Variants in ASS1 observed in about 807,000 individuals in gnomAD.
ASS1 encodes the protein argininosuccinate synthase.
A neutral mutation model predicts 60.5 loss-of-function variants in ASS1; 58 were observed. That is an observed-to-expected ratio of 0.96 (90% CI 0.78 to 1.19). The LOEUF (loss-of-function observed/expected upper bound fraction) is 1.19. Among genes scored for constraint, ASS1 ranks in the 50% most tolerant of loss-of-function variants. ASS1 has a pLI of 0.00. For synonymous variants in ASS1, 200 were observed against 206.9 expected, an observed-to-expected ratio of 0.97 and a Z score of 0.29; for missense variants, 454 against 547.3, an observed-to-expected ratio of 0.83 and a Z score of 1.70.
intron 1 of ASS1, 84 bp from the exon 2 acceptor site, chr9:130,452,140 G>A (rs1383804579): frequency 3.3e-6 from 4 of 1,214,440 alleles, no homozygotes; most frequent in Admixed American, 3.9e-5. Flanking sequence ...CCAAGGCCAA[G>A]GTCGGGGCTG....
chr9:130,476,985 C>T lies in ASS1; in HGVS notation c.688+24C>T, dbSNP rs529023316. The T allele has an allele frequency of 2.4e-5, 39 of 1,606,396 alleles. No individual in the cohort carries two copies. The African/African-American group carries it at 3.7e-4, about 15-fold the overall frequency. On this transcript the variant is annotated intron_variant, in intron 9 of 14. Transcript: ENST00000352480. This position sits in a 1 kb window ranked among gnomAD's most constrained non-coding sequence, Gnocchi z 4.9. ...AGGTATGTGCCCACCTGTTGGGACT[C>T]GAAGGGGGTTGACTTTTGGGGCCCT...
intron 4 of ASS1, among the ~76,000 whole-genome samples, chr9:130,461,923 G>A (rs1170312932): frequency 6.6e-6 from 1 of 152,210 alleles, no homozygotes; most frequent in East Asian, 1.9e-4. Flanking sequence ...GGGGGACAAC[G>A]GATTGGCCTG....
rs766668660 is a variant in ASS1 at position 130,452,304 on chromosome 9, G to A, written c.76G>A (p.Glu26Lys). ...CTCGTGCATCCTCGTGTGGCTGAAG[G>A]AACAAGGCTATGACGTCATTGCCTA... is the stretch of plus-strand genomic sequence containing the variant. The part of the protein sequence containing the change: ...DTSCILVWLK[E>K]QGYDVIAYLA... The change falls in exon 2 of 15, where the codon GAA (glutamate) becomes AAA (lysine). Residue 26 changes from glutamate to lysine, a missense_variant. Glu to Lys is a moderately conservative substitution (Grantham distance 56, BLOSUM62 1). Transcript: ENST00000352480. 7 of 1,614,152 alleles carry A rather than the reference G, an allele frequency of 4.3e-6. No homozygotes were observed. Among genetic ancestry groups the A allele is most frequent in the South Asian group, 1.1e-5 (1 of 91,082 alleles).
chr9:130,490,801 C>A (rs1207974072), intron 12 of ASS1, among the ~76,000 whole-genome samples: 1 of 152,112 alleles, frequency 6.6e-6, no homozygotes, highest in Non-Finnish European at 1.5e-5. Flanking sequence ...GACCATAGGA[C>A]CCAAAGAGCC....
intron 11 of ASS1, among the ~76,000 whole-genome samples, chr9:130,481,511 G>A (rs1732140281): frequency 6.6e-6 from 1 of 152,210 alleles, no homozygotes; most frequent in African/African-American, 2.4e-5. Flanking sequence ...AAAATCCAAA[G>A]AGAGCCGATC....
At chr9:130,451,116 G>A (rs1448445510) in intron 1 of ASS1, among the ~76,000 whole-genome samples, 2 of 152,214 alleles carry the variant, frequency 1.3e-5, no homozygotes, top group Admixed American at 6.5e-5. Context: ...GGCCACAGGA[G>A]GCATGTGGGG....
At chr9:130,481,291 T>C (rs1846167856) in intron 11 of ASS1, among the ~76,000 whole-genome samples, 1 of 152,238 alleles carries the variant, frequency 6.6e-6, no homozygotes. Context: ...TTGGGGGTCC[T>C]AAGAGGGAAA....
Position 130,458,405 on chromosome 9 carries a change from T to G in ASS1, c.179T>G (p.Phe60Cys), listed in dbSNP as rs746316364. The change falls in exon 4 of 15, where the codon TTC becomes TGC. Residue 60 changes from phenylalanine (F) to cysteine (C), a missense_variant. Physicochemically the swap from Phe to Cys is radical, Grantham distance 205. Coordinates refer to ENST00000352480, the MANE Select transcript of ASS1 (RefSeq NM_054012.4). ...TCTGGGCTCCTCTTCCCGTAGGTGT[T>G]CATTGAGGATGTCAGCAGGGAGTTT... The part of the protein sequence containing the change: ...KALKLGAKKV[F>C]IEDVSREFVE... 3 of 1,612,002 alleles carry G rather than the reference T, an allele frequency of 1.9e-6. No homozygotes were observed. The Admixed American group carries it at 5.0e-5, about 27-fold the overall frequency.
chr9:130,446,282 T>C (rs1564898663), intron 1 of ASS1, among the ~76,000 whole-genome samples: 1 of 152,154 alleles, frequency 6.6e-6, no homozygotes, highest in Non-Finnish European at 1.5e-5. Flanking sequence ...GCACAATAAC[T>C]GTGCCTGGGG....
Position 130,488,716 on chromosome 9 carries a change from C to T in ASS1, c.839-617C>T, listed in dbSNP as rs1249231443. On this transcript the variant is annotated intron_variant, in intron 11 of 14. Transcript: ENST00000352480. This position sits in a 1 kb window ranked among gnomAD's most constrained non-coding sequence, Gnocchi z 5.2. ...CAGCAGACAGCACTGGTGAGGGACT[C>T]GGGGGCCTACATTCAGTTCCCAGCT... Among the ~76,000 whole-genome samples the T allele has an allele frequency of 6.6e-6, 1 of 152,172 alleles. No homozygotes were observed. Among genetic ancestry groups the T allele is most frequent in the Non-Finnish European group, 1.5e-5 (1 of 68,030 alleles).
rs1000467121 is a variant in ASS1, at chr9:130,458,676, G to T, written c.363+87G>T. 1.6e-5 allele frequency: 24 copies of T among 1,522,994 alleles called. 1 individual carries two copies. In the South Asian group the frequency reaches 2.9e-4, roughly 18 times the overall value. 94.3% of individuals were successfully genotyped at this position (1,522,994 alleles called of 1,614,324 possible). ...TGAGCACCCCTCGAGCGGTTTCCTG[G>T]TGTGCCTCCGGGGCAGACTTGGTGC... On this transcript the variant is annotated intron_variant, in intron 4 of 14. Transcript: ENST00000352480.
At position 130,489,021 on chromosome 9, in the gene ASS1, C is replaced by T. The variant is rs538167799; in HGVS notation, c.839-312C>T. 3.7e-4 allele frequency among the ~76,000 whole-genome samples: 56 copies of T among 152,264 alleles called. No homozygotes were observed. The Middle Eastern group carries it at 0.01, about 28-fold the overall frequency. ...TAATTACAGGCTTTCAACCTCGGGC[C>T]GGTGGGCACGCATGGGGAGGGAGGG... is the stretch of plus-strand genomic sequence containing the variant. On this transcript the variant is annotated intron_variant, in intron 11 of 14. Transcript: ENST00000352480. The surrounding 1 kb of genome is among the most constrained non-coding windows in gnomAD (Gnocchi z 4.1).
In ASS1 at chr9:130,466,675, G is replaced by A. The variant is rs1281158432; in HGVS notation, c.421-50G>A. On this transcript the variant is annotated intron_variant, in intron 5 of 14. Transcript: ENST00000352480. ...CAGCTCTGCAGCTTACAGGCCAGGG[G>A]AAGCCCACAGCTCGGCCCTCCCGGC... 2.5e-6 allele frequency: 4 copies of A among 1,572,270 alleles called. No homozygotes were observed. The South Asian group carries it at 4.4e-5, about 17-fold the overall frequency.
chr9:130,449,160 A>T (rs185694883), intron 1 of ASS1, among the ~76,000 whole-genome samples: 2 of 152,082 alleles, frequency 1.3e-5, no homozygotes, highest in African/African-American at 4.8e-5. Flanking sequence ...GTGAAACCCC[A>T]TCTCTACAAA....
rs652313 is a variant in ASS1 at position 130,471,533 on chromosome 9, A to G, written c.597+18A>G. On this transcript the variant is annotated intron_variant, in intron 8 of 14. Transcript: ENST00000352480. ...ACCCCAAGGTAATCCCCCAAACCCCATCTCCTCCCAGCTGGCCACCTTTGG... is the reference window on the plus strand; with the variant it reads ...ACCCCAAGGTAATCCCCCAAACCCCGTCTCCTCCCAGCTGGCCACCTTTGG... 1,383,238 of 1,612,552 alleles carry G rather than the reference A, an allele frequency of 0.86. 597,878 individuals carry two copies. The highest frequency in any genetic ancestry group is 0.97 in the East Asian group (43,608 of 44,850).
Position 130,494,762 on chromosome 9 carries a change from G to A in ASS1, c.971-105G>A, listed in dbSNP as rs1846537207. On this transcript the variant is annotated intron_variant, in intron 12 of 14. Transcript: ENST00000352480. This position sits in a 1 kb window ranked among gnomAD's most constrained non-coding sequence, Gnocchi z 4.3. ...GTCTCGCGGGAGGCAGTCATGGTCT[G>A]CATGGCGGGGTAAACCATGGGGCAC... is the stretch of plus-strand genomic sequence containing the variant. 1.4e-6 allele frequency: 2 copies of A among 1,451,622 alleles called. No homozygotes were observed. The highest frequency in any genetic ancestry group is 1.4e-5 in the African/African-American group (1 of 71,482). The allele number at this position is 1,451,622 out of a possible 1,614,324, so 89.9% of individuals were successfully genotyped here. A position where few individuals can be genotyped will look rare whatever the true frequency, so the allele number is the denominator to read the frequency against.
rs1408887500 is a variant in ASS1, at chr9:130,488,672, G to A, written c.839-661G>A. The stretch of plus-strand genomic sequence containing the variant: ...TGACCTTCCAGGGTTGGGCCTCCAC[G>A]GCCAGGTGACTTACAGGGCAGCAGA... On this transcript the variant is annotated intron_variant, in intron 11 of 14. Coordinates refer to ENST00000352480, the MANE Select transcript of ASS1 (RefSeq NM_054012.4). The surrounding 1 kb of genome is among the most constrained non-coding windows in gnomAD (Gnocchi z 5.2). 3.9e-5 allele frequency among the ~76,000 whole-genome samples: 6 copies of A among 152,212 alleles called. No individual in the cohort carries two copies. Among genetic ancestry groups the A allele is most frequent in the Non-Finnish European group, 7.3e-5 (5 of 68,034 alleles).
At chr9:130,479,523 G>T (rs1846111013) in intron 9 of ASS1, among the ~76,000 whole-genome samples, 193 bp from the exon 10 acceptor site, 1 of 152,138 alleles carries the variant, frequency 6.6e-6, no homozygotes, top group African/African-American at 2.4e-5. Flanking sequence ...CTTTCATTCT[G>T]GGGGGCTTTC....
chr9:130,458,451 G>A lies in ASS1; in HGVS notation c.225G>A (p.Pro75=), dbSNP rs765933359. Residue 75 remains proline (P), a synonymous_variant, in exon 4 of 15, where the codon CCG becomes CCA. Coordinates refer to ENST00000352480, the MANE Select transcript of ASS1 (RefSeq NM_054012.4). ...AGTTTGTGGAGGAGTTCATCTGGCC[G>A]GCCATCCAGTCCAGCGCACTGTATG... ...SREFVEEFIW[P]AIQSSALYED... 46 of 1,611,996 alleles carry A rather than the reference G, an allele frequency of 2.9e-5. No individual in the cohort carries two copies. The highest frequency in any genetic ancestry group is 4.5e-5 in the East Asian group (2 of 44,872).
Sources: allele counts gnomAD v4.1 joint callset (sites outside exome capture counted in the v4.1 genomes callset), GRCh38; gene constraint gnomAD v4.1.1; non-coding constraint Gnocchi (gnomAD v3.1); transcripts MANE v1.5; gene names NCBI Gene and HGNC (gene_info 2026-07-23, HGNC 2026-07-21).